The following USP48 variants were observed in gnomAD, a reference collection of about 807,000 sequenced individuals.
USP48 encodes the protein ubiquitin carboxyl-terminal hydrolase 48.
A neutral mutation model predicts 150.7 loss-of-function variants in USP48; 43 were observed. The ratio of observed to expected loss-of-function variants is 0.29; its 90% confidence interval spans 0.22 to 0.37. The LOEUF is 0.37. USP48 is among the 10% of genes least tolerant of loss of function. USP48 has a pLI of 1.00. For missense variants in USP48, 813 were observed against 1,249.6 expected, an observed-to-expected ratio of 0.65 and a Z score of 5.27; for synonymous variants, 396 against 425.9, an observed-to-expected ratio of 0.93 and a Z score of 0.86.
chr1:21,701,365 CAAAAAAAAAA>C (rs35780642), intron 22 of USP48, 123 bp downstream of exon 22: 3 of 409,870 alleles, frequency 7.3e-6, no homozygotes, highest in Non-Finnish European at 1.2e-5. Context: ...GACTCCATCT[CAAAAAAAAAA>C]AAAAAAGAAA....
intron 1 of USP48, among the ~76,000 whole-genome samples, chr1:21,763,539 C>T (rs1206279355): frequency 5.3e-5 from 8 of 152,212 alleles, no homozygotes; most frequent in Admixed American, 2.0e-4. Flanking sequence ...AACAGCTGGG[C>T]GCAGTGGCTC....
In USP48 at chr1:21,715,453, T is replaced by G; in HGVS notation, c.1899A>C (p.Glu633Asp). The G allele has an allele frequency of 6.4e-7, 1 of 1,570,298 alleles. No homozygotes were observed. Among genetic ancestry groups the G allele is most frequent in the Non-Finnish European group, 8.8e-7 (1 of 1,142,226 alleles). ...KMNGSTLNKD[E>D]SKEERKEEEE... ...CCTCTTCTTTTCTTTCTTCCTTTGA[T>G]TCATCTAATCAAAAGAAATACAAAT... The change falls in exon 15 of 27, where the codon GAA becomes GAC. Residue 633 changes from glutamate to aspartate, a missense_variant. Transcript: ENST00000308271.
chr1:21,692,724 T>C (rs934104986), intron 23 of USP48, among the ~76,000 whole-genome samples: 67 of 152,090 alleles, frequency 4.4e-4, no homozygotes, highest in African/African-American at 1.5e-3. Flanking sequence ...AACAAAGTTG[T>C]GAGGATGGTA....
At chr1:21,699,767 C>T (rs917585112) in intron 22 of USP48, among the ~76,000 whole-genome samples, 1 of 151,734 alleles carries the variant, frequency 6.6e-6, no homozygotes, top group Non-Finnish European at 1.5e-5. Context: ...CCACCCGCCT[C>T]GGCCTTCCAA....
intron 1 of USP48, among the ~76,000 whole-genome samples, chr1:21,767,144 G>A (rs76411938): frequency 0.11 from 17,202 of 152,100 alleles, 1,421 homozygotes; most frequent in African/African-American, 0.22. Context: ...TCTACTCCCA[G>A]GCTCAGGTGA....
rs61410306 is a variant in USP48, at chr1:21,739,518, C to CA, written c.992-2894dup. On this transcript the variant is annotated intron_variant, in intron 8 of 26. Transcript: ENST00000308271. ...TGGAAAACAAGGCAAGACTCCGTCT[C>CA]AAAAAAAAAAAAAAAAAAAAAAAAA... is the stretch of plus-strand genomic sequence containing the variant. Among the ~76,000 whole-genome samples the CA allele has an allele frequency of 3.9e-3, 258 of 66,316 alleles. 22 individuals are homozygous for CA. Among genetic ancestry groups the CA allele is most frequent in the African/African-American group, 0.013 (204 of 15,366 alleles). The allele number at this position is 66,316 out of a possible 152,430, so 43.5% of individuals were successfully genotyped here.
intron 1 of USP48, among the ~76,000 whole-genome samples, chr1:21,767,687 C>T (rs2097865654): frequency 6.6e-6 from 1 of 150,474 alleles, no homozygotes; most frequent in Non-Finnish European, 1.5e-5. Flanking sequence ...TGCCTGCTTA[C>T]AAATAAATTG....
intron 6 of USP48, among the ~76,000 whole-genome samples, chr1:21,748,764 A>G (rs1387361352): frequency 6.6e-6 from 1 of 152,210 alleles, no homozygotes; most frequent in Non-Finnish European, 1.5e-5. Flanking sequence ...TACAAAAATT[A>G]GCCAGGCATG....
intron 11 of USP48, chr1:21,725,051 T>A (rs143388789): frequency 6.6e-6 from 1 of 152,356 alleles, no homozygotes; most frequent in Admixed American, 6.5e-5. Context: ...ACCAGTTTTA[T>A]ACTCCCCAGA....
rs1340357841 is a variant in USP48, at chr1:21,701,891, T to A, written c.2623-289A>T. 4.6e-5 allele frequency among the ~76,000 whole-genome samples: 7 copies of A among 152,326 alleles called. No homozygotes were observed. The East Asian group carries it at 1.2e-3, about 25-fold the overall frequency. ...TTATTATCAGTCTTGTACAATGATGTTATTTTGCAGAAGTTCGAAGGTGCT... is the reference window on the plus strand; with the variant it reads ...TTATTATCAGTCTTGTACAATGATGATATTTTGCAGAAGTTCGAAGGTGCT... On this transcript the variant is annotated intron_variant, in intron 21 of 26. Transcript: ENST00000308271.
chr1:21,774,640 T>C (rs949751969), intron 1 of USP48, among the ~76,000 whole-genome samples: 2 of 151,630 alleles, frequency 1.3e-5, no homozygotes, highest in African/African-American at 2.4e-5. Flanking sequence ...TGAGACGAGA[T>C]TGCACCACTG....
At chr1:21,704,413 A>G (rs771519156) in intron 19 of USP48, 21 bp from the exon 20 acceptor site, 2 of 1,586,042 alleles carry the variant, frequency 1.3e-6, no homozygotes, top group Non-Finnish European at 1.7e-6. Flanking sequence ...AAAAAACACA[A>G]CATGCCTTAA....
At chr1:21,736,199 C>G (rs990625558) in intron 9 of USP48, among the ~76,000 whole-genome samples, 1 of 152,112 alleles carries the variant, frequency 6.6e-6, no homozygotes, top group East Asian at 1.9e-4. Context: ...TTGAGCCTAG[C>G]AGGTTTAGGC....
rs77218913 is a variant in USP48 at position 21,715,390 on chromosome 1, A to G, written c.1962T>C (p.His654=). 2,052 of 1,589,658 alleles carry G rather than the reference A, an allele frequency of 1.3e-3. 21 individuals are homozygous for G. In the African/African-American group the frequency reaches 0.015, roughly 11 times the overall value. Residue 654 remains histidine, a splice_region_variant and synonymous_variant, in exon 15 of 27, where the codon CAT becomes CAC. Transcript: ENST00000308271. ...LNFNEDILCP[H]GELCISENER... is the part of the protein sequence containing the mutation. ...AATTCATTTATGCTTCTAGCTTACC[A>G]TGTGGACACAGAATATCTTCATTAA...
At chr1:21,689,314 A>G (rs1203572887) in intron 24 of USP48, among the ~76,000 whole-genome samples, 3 of 108,760 alleles carry the variant, frequency 2.8e-5, no homozygotes, top group African/African-American at 1.1e-4. Flanking sequence ...CAAAAAAAGG[A>G]AAAAAAAAAA....
chr1:21,730,672 A>C (rs1004386543), intron 9 of USP48, among the ~76,000 whole-genome samples: 1 of 151,952 alleles, frequency 6.6e-6, no homozygotes, highest in Non-Finnish European at 1.5e-5. Flanking sequence ...GACAGAGTGA[A>C]ACTCTGCCTC....
At chr1:21,782,689 G>A (rs917766037) in intron 1 of USP48, 135 bp downstream of exon 1, 51 of 1,335,994 alleles carry the variant, frequency 3.8e-5, no homozygotes, top group Non-Finnish European at 5.0e-5. Context: ...CGGCGCAAAG[G>A]GGGAAACTCC....
chr1:21,731,775 A>T (rs2097757507), intron 9 of USP48, among the ~76,000 whole-genome samples: 1 of 152,062 alleles, frequency 6.6e-6, no homozygotes, highest in Non-Finnish European at 1.5e-5. Flanking sequence ...AGGCTGATGC[A>T]GCAGAATCAG....
chr1:21,751,974 C>A (rs185535178), intron 5 of USP48, among the ~76,000 whole-genome samples: 37 of 147,270 alleles, frequency 2.5e-4, no homozygotes, highest in African/African-American at 9.3e-4. Flanking sequence ...GCCAAGATCA[C>A]GCCACTGCAC....
Sources: allele counts gnomAD v4.1 joint callset (sites outside exome capture counted in the v4.1 genomes callset), GRCh38; gene constraint gnomAD v4.1.1; transcripts MANE v1.5; gene names NCBI Gene and HGNC (gene_info 2026-07-23, HGNC 2026-07-21).